AOX1: variants seen among roughly 807,000 people sequenced by gnomAD.
AOX1 encodes the protein aldehyde oxidase 1.
In AOX1, 153 loss-of-function variants were observed where a neutral mutation model predicts 169.5. The ratio of observed to expected loss-of-function variants is 0.90; its 90% CI spans 0.79 to 1.03. AOX1 has a LOEUF of 1.03. AOX1 is among the 50% of genes least tolerant of loss of function. The pLI is 0.00. For missense variants in AOX1, 1,656 were observed against 1,663.9 expected (o/e 1.00, Z 0.08); for synonymous variants, 562 against 581.9 (o/e 0.97, Z 0.49).
intron 33 of AOX1, among the ~76,000 whole-genome samples, chr2:200,669,193 A>G (rs1574967602): frequency 6.6e-6 from 1 of 152,194 alleles, no homozygotes; most frequent in African/African-American, 2.4e-5. Flanking sequence ...CCTATAATCC[A>G]AGCACTTTGG....
At chr2:200,601,539 T>C (rs1200822016) in intron 5 of AOX1, among the ~76,000 whole-genome samples, 1 of 152,164 alleles carries the variant, frequency 6.6e-6, no homozygotes, top group African/African-American at 2.4e-5. Flanking sequence ...ACCGTGGTGA[T>C]GGTTTCATGG....
At chr2:200,653,192 C>A (rs1182248564) in intron 26 of AOX1, among the ~76,000 whole-genome samples, 2 of 152,170 alleles carry the variant, frequency 1.3e-5, no homozygotes, top group African/African-American at 4.8e-5. Context: ...GGATTCAGCT[C>A]AGCTGAGAAC....
At chr2:200,611,947 C>T (rs531515932) in intron 13 of AOX1, among the ~76,000 whole-genome samples, 67 of 152,242 alleles carry the variant, frequency 4.4e-4, no homozygotes, top group African/African-American at 1.6e-3. Context: ...TCAGGTGATT[C>T]ACCTGCCTCG....
In AOX1 at chr2:200,652,031, T is replaced by A. The variant is rs150378043; in HGVS notation, c.3075+830T>A. On this transcript the variant is annotated intron_variant, in intron 26 of 34. Transcript: ENST00000374700. ...TGCAGAATTCACTCCTTGGTTGGAGTCATGAAGAAGGCATGGCAGCTGTGC... is the reference window on the plus strand; with the variant it reads ...TGCAGAATTCACTCCTTGGTTGGAGACATGAAGAAGGCATGGCAGCTGTGC... Among the ~76,000 whole-genome samples the A allele has an allele frequency of 1.3e-3, 200 of 152,114 alleles. 1 individual carries two copies. The highest frequency in any genetic ancestry group is 4.4e-3 in the African/African-American group (182 of 41,498).
intron 13 of AOX1, 87 bp downstream of exon 13, chr2:200,611,580 G>T (rs535212079): frequency 2.3e-5 from 21 of 895,484 alleles, no homozygotes; most frequent in East Asian, 9.7e-5. Flanking sequence ...AAGAAAAAGG[G>T]TGAAGTGTTT....
At chr2:200,606,846 T>C (rs1410854153) in intron 10 of AOX1, among the ~76,000 whole-genome samples, 1 of 152,216 alleles carries the variant, frequency 6.6e-6, no homozygotes, top group Non-Finnish European at 1.5e-5. Context: ...TCCTGAGACT[T>C]TGCTGAATTT....
At position 200,634,818 on chromosome 2, in the gene AOX1, AT is replaced by A; in HGVS notation, c.2254del (p.Tyr752IlefsTer38). The A allele has an allele frequency of 1.2e-6, 2 of 1,614,060 alleles. No homozygotes were observed. The highest frequency in any genetic ancestry group is 1.7e-6 in the Non-Finnish European group (2 of 1,179,958). ...EGEIHMGGQE[H>X]FYMETQSMLV... ...GAAATACATATGGGAGGTCAAGAAC[AT>A]TTTTATATGGAAACCCAAAGCATGC... On this transcript the variant is annotated frameshift_variant, in exon 21 of 35. Coordinates refer to ENST00000374700, the MANE Select transcript of AOX1 (RefSeq NM_001159.4). LOFTEE classifies it high-confidence loss of function.
At chr2:200,676,154 T>A (rs1036462089), downstream of AOX1, among the ~76,000 whole-genome samples, 4 of 152,100 alleles carry the variant, frequency 2.6e-5, no homozygotes, top group Non-Finnish European at 4.4e-5. Context: ...TATGTTTTTT[T>A]AAAATAAGCC....
Position 200,612,776 on chromosome 2 carries a change from C to G in AOX1, c.1431C>G (p.Cys477Trp), listed in dbSNP as rs1213363698. 1 of 1,613,592 alleles carries G rather than the reference C, an allele frequency of 6.2e-7. No homozygotes were observed. The change falls in exon 14 of 35, where the codon TGC becomes TGG. Residue 477 changes from cysteine (C) to tryptophan (W), a missense_variant. Physicochemically the swap from Cys to Trp is radical, Grantham distance 215 (BLOSUM62 -2). Coordinates refer to ENST00000374700, the MANE Select transcript of AOX1 (RefSeq NM_001159.4). The stretch of plus-strand genomic sequence containing the variant: ...CCACCATCTGTGCCAAGAATTCCTG[C>G]CAGAAACTCATTGGAAGGTAAGGCA... ...GPATICAKNS[C>W]QKLIGRHWNE... is the part of the protein sequence containing the mutation.
Position 200,662,856 on chromosome 2 carries a change from G to C in AOX1, c.3430G>C (p.Gly1144Arg). 6.2e-7 allele frequency: 1 copy of C among 1,613,070 alleles called. No homozygotes were observed. Among genetic ancestry groups the C allele is most frequent in the Non-Finnish European group, 8.5e-7 (1 of 1,179,092 alleles). ...AACAACACTCACTGTTTCTTCCAGAGGTTATGAGTCAGACATGAACTGGGA... is the reference window on the plus strand; with the variant it reads ...AACAACACTCACTGTTTCTTCCAGACGTTATGAGTCAGACATGAACTGGGA... Reference protein sequence around the residue: ...INLSAVGYFRGYESDMNWEKG... With the variant: ...INLSAVGYFRRYESDMNWEKG... Residue 1144 changes from glycine to arginine, a missense_variant and splice_region_variant, in exon 31 of 35, where the codon GGT becomes CGT. Gly to Arg is a moderately radical substitution (Grantham distance 125, BLOSUM62 -2). Coordinates refer to ENST00000374700, the MANE Select transcript of AOX1 (RefSeq NM_001159.4).
intron 31 of AOX1, 33 bp from the exon 32 acceptor site, chr2:200,666,653 TA>T: frequency 6.5e-7 from 1 of 1,536,652 alleles, no homozygotes; most frequent in Non-Finnish European, 8.9e-7. Flanking sequence ...TTATTCTCAT[TA>T]AAATAAACAT....
intron 6 of AOX1, among the ~76,000 whole-genome samples, 190 bp from the exon 7 acceptor site, chr2:200,603,077 A>G (rs933305500): frequency 6.6e-6 from 1 of 152,164 alleles, no homozygotes; most frequent in African/African-American, 2.4e-5. Flanking sequence ...AATCACTGCT[A>G]TTCAAAATTT....
chr2:200,589,000 G>C (rs1021827101), intron 1 of AOX1, among the ~76,000 whole-genome samples: 2 of 151,980 alleles, frequency 1.3e-5, no homozygotes, highest in African/African-American at 4.8e-5. Flanking sequence ...GTTGAGAAGA[G>C]TGTGAGAGAA....
intron 19 of AOX1, among the ~76,000 whole-genome samples, chr2:200,624,337 C>T (rs185099859): frequency 6.6e-6 from 1 of 152,320 alleles, no homozygotes; most frequent in East Asian, 1.9e-4. Context: ...GGTCACATAT[C>T]CATCTCCAAA....
rs2035029506 is a variant in AOX1, at chr2:200,627,455, A to C, written c.2221+6A>C. Reference sequence around the variant, plus strand: ...GGTTGATCAAATTCTTGAAGGTAAAAAGTAATGGAAGAGTAAACAACCCTG... The same window carrying C: ...GGTTGATCAAATTCTTGAAGGTAAACAGTAATGGAAGAGTAAACAACCCTG... On this transcript the variant is annotated splice_donor_region_variant and intron_variant, in intron 20 of 34. Transcript: ENST00000374700. 1 of 1,591,184 alleles carries C rather than the reference A, an allele frequency of 6.3e-7. No individual in the cohort carries two copies. The highest frequency in any genetic ancestry group is 8.6e-7 in the Non-Finnish European group (1 of 1,159,468).
At chr2:200,677,713 G>T (rs1309370833), downstream of AOX1, among the ~76,000 whole-genome samples, 1 of 152,202 alleles carries the variant, frequency 6.6e-6, no homozygotes, top group South Asian at 2.1e-4. Context: ...TGCTCCGAGT[G>T]CTTGAGATTT....
intron 26 of AOX1, among the ~76,000 whole-genome samples, chr2:200,652,826 A>G (rs2035606453): frequency 6.6e-6 from 1 of 152,238 alleles, no homozygotes; most frequent in Non-Finnish European, 1.5e-5. Flanking sequence ...ACACTTTGGG[A>G]GGCCAAGACA....
Position 200,666,670 on chromosome 2 carries a change from C to CT in AOX1, c.3544-9dup, listed in dbSNP as rs534839939. 3.3e-4 allele frequency: 516 copies of CT among 1,577,986 alleles called. 1 individual carries two copies. The South Asian group carries it at 5.1e-3, about 16-fold the overall frequency. The stretch of plus-strand genomic sequence containing the variant: ...ATTCTCATTAAAATAAACATTTTAA[C>CT]TTTTTTTTAATACTAGAACATCAGA... On this transcript the variant is annotated splice_polypyrimidine_tract_variant and intron_variant, in intron 31 of 34. Coordinates refer to ENST00000374700, the MANE Select transcript of AOX1 (RefSeq NM_001159.4).
intron 10 of AOX1, among the ~76,000 whole-genome samples, chr2:200,608,608 A>G (rs969655435): frequency 6.6e-6 from 1 of 152,202 alleles, no homozygotes; most frequent in Non-Finnish European, 1.5e-5. Context: ...TCTCATAGGT[A>G]TGTTCAGATT....
Sources: allele counts gnomAD v4.1 joint callset (sites outside exome capture counted in the v4.1 genomes callset), GRCh38; gene constraint gnomAD v4.1.1; transcripts MANE v1.5; gene names NCBI Gene and HGNC (gene_info 2026-07-23, HGNC 2026-07-21).